BEND5: variants seen among roughly 807,000 people sequenced by gnomAD.
The protein encoded by BEND5 is BEN domain-containing protein 5.
In BEND5, 22 loss-of-function variants were observed where a neutral mutation model predicts 43.9. That is an observed-to-expected ratio of 0.50 (90% CI 0.36 to 0.72). The LOEUF (loss-of-function observed/expected upper bound fraction) is 0.72, where lower values mean the gene tolerates loss of function less well. BEND5 is among the 30% of genes least tolerant of loss of function. BEND5 has a pLI of 0.00. For synonymous variants in BEND5, 228 were observed against 225.9 expected (o/e 1.01, Z -0.08); for missense variants, 428 against 550.6 (o/e 0.78, Z 2.23).
intron 3 of BEND5, among the ~76,000 whole-genome samples, chr1:48,748,289 C>T (rs568564282): frequency 1.4e-4 from 21 of 152,170 alleles, no homozygotes; most frequent in Non-Finnish European, 2.1e-4. Flanking sequence ...GCTGCTGTAG[C>T]GTGCCTCTGT....
chr1:48,750,822 G>A (rs1032319435), intron 3 of BEND5, among the ~76,000 whole-genome samples: 1 of 152,162 alleles, frequency 6.6e-6, no homozygotes, highest in Non-Finnish European at 1.5e-5. Flanking sequence ...AAAGCTTCTT[G>A]TCCTGTATAG....
chr1:48,770,632 GCTCT>G (rs1174756183), intron 1 of BEND5, among the ~76,000 whole-genome samples: 1 of 152,086 alleles, frequency 6.6e-6, no homozygotes, highest in Non-Finnish European at 1.5e-5. Context: ...ATGCCTACTT[GCTCT>G]CCTGACATAT....
intron 4 of BEND5, among the ~76,000 whole-genome samples, chr1:48,740,301 T>C (rs969112224): frequency 1.3e-5 from 2 of 152,126 alleles, no homozygotes; most frequent in Non-Finnish European, 2.9e-5. Context: ...CTGGTGAGAG[T>C]ACTGGCCTGG....
At chr1:48,759,354 T>G in intron 2 of BEND5, 70 bp from the exon 3 acceptor site, 1 of 1,500,060 alleles carries the variant, frequency 6.7e-7, no homozygotes, top group Non-Finnish European at 8.9e-7. Flanking sequence ...GATCAATATT[T>G]CCCCAGACAA....
At chr1:48,750,902 C>T (rs907775981) in intron 3 of BEND5, among the ~76,000 whole-genome samples, 2 of 152,098 alleles carry the variant, frequency 1.3e-5, no homozygotes, top group African/African-American at 4.8e-5. Context: ...AATTACCCCC[C>T]ACACTCAGAG....
intron 1 of BEND5, among the ~76,000 whole-genome samples, chr1:48,761,814 C>G (rs929853968): frequency 2.0e-5 from 3 of 152,156 alleles, no homozygotes; most frequent in African/African-American, 7.2e-5. Flanking sequence ...CTGATCTAAA[C>G]TAAAATGGCA....
At chr1:48,774,785 G>T (rs1644996071) in intron 1 of BEND5, among the ~76,000 whole-genome samples, 1 of 152,196 alleles carries the variant, frequency 6.6e-6, no homozygotes. Context: ...TGCCTGAAGA[G>T]TCAAGCACAG....
At chr1:48,772,668 G>A (rs1034939739) in intron 1 of BEND5, among the ~76,000 whole-genome samples, 25 of 152,258 alleles carry the variant, frequency 1.6e-4, no homozygotes, top group Admixed American at 3.3e-4. Flanking sequence ...TCTAATGAGA[G>A]CAGTCAACTA....
chr1:48,751,652 A>C (rs1166152996), intron 3 of BEND5, among the ~76,000 whole-genome samples: 1 of 152,224 alleles, frequency 6.6e-6, no homozygotes, highest in African/African-American at 2.4e-5. Flanking sequence ...AATCCAAAAA[A>C]AACATAAGCT....
chr1:48,747,831 C>T (rs1345861386), intron 3 of BEND5, among the ~76,000 whole-genome samples: 1 of 152,148 alleles, frequency 6.6e-6, no homozygotes, highest in Non-Finnish European at 1.5e-5. Flanking sequence ...TAGAAATCAC[C>T]TATTTTTTCA....
rs1229181679 is a variant in BEND5, at chr1:48,772,218, A to T, written c.226+4388T>A. Among the ~76,000 whole-genome samples the T allele has an allele frequency of 6.6e-5, 10 of 152,364 alleles. No homozygotes were observed. The East Asian group carries it at 1.7e-3, about 26-fold the overall frequency. ...TAAAAACAAGACATAAAATGCTACA[A>T]TCCATAAGCAAGGCAAAACCAAAGT... On this transcript the variant is annotated intron_variant, in intron 1 of 5. Transcript: ENST00000371833.
intron 5 of BEND5, among the ~76,000 whole-genome samples, chr1:48,734,325 C>A (rs1184398630): frequency 1.3e-5 from 2 of 152,130 alleles, no homozygotes; most frequent in Non-Finnish European, 1.5e-5. Flanking sequence ...TACCCTATGT[C>A]CTGCCACCTT....
At chr1:48,742,857 A>G in intron 3 of BEND5, 86 bp from the exon 4 acceptor site, 1 of 1,335,230 alleles carries the variant, frequency 7.5e-7, no homozygotes, top group Non-Finnish European at 9.9e-7. Context: ...TCAGCACACC[A>G]TGGCACAAAA....
At chr1:48,752,012 ACTT>A (rs1250414326) in intron 3 of BEND5, among the ~76,000 whole-genome samples, 1 of 152,194 alleles carries the variant, frequency 6.6e-6, no homozygotes, top group Non-Finnish European at 1.5e-5. Flanking sequence ...AAACTACTCC[ACTT>A]CTTATTACTA....
At chr1:48,769,159 T>A (rs1644679422) in intron 1 of BEND5, among the ~76,000 whole-genome samples, 1 of 152,132 alleles carries the variant, frequency 6.6e-6, no homozygotes, top group Admixed American at 6.5e-5. Flanking sequence ...GACTTCCAGG[T>A]CTCTTTCTCA....
intron 1 of BEND5, among the ~76,000 whole-genome samples, chr1:48,775,905 T>C (rs1482010184): frequency 6.6e-6 from 1 of 152,156 alleles, no homozygotes; most frequent in Non-Finnish European, 1.5e-5. Context: ...GGGAGCCTTC[T>C]GGGAGATTCA....
chr1:48,757,647 C>G (rs963466655), intron 3 of BEND5, among the ~76,000 whole-genome samples: 3 of 152,206 alleles, frequency 2.0e-5, no homozygotes, highest in Non-Finnish European at 4.4e-5. Context: ...CAAAGATCTA[C>G]TGAGCCACTA....
chr1:48,759,358 C>T, intron 2 of BEND5, 74 bp from the exon 3 acceptor site: 1 of 1,496,488 alleles, frequency 6.7e-7, no homozygotes, highest in East Asian at 2.5e-5. Context: ...AATATTTCCC[C>T]AGACAATCCT....
At chr1:48,740,378 C>G (rs1448323836) in intron 4 of BEND5, among the ~76,000 whole-genome samples, 1 of 152,132 alleles carries the variant, frequency 6.6e-6, no homozygotes, top group Non-Finnish European at 1.5e-5. Context: ...AGAGGAGTCC[C>G]TTCTCTGGAT....
Sources: allele counts gnomAD v4.1 joint callset (sites outside exome capture counted in the v4.1 genomes callset), GRCh38; gene constraint gnomAD v4.1.1; transcripts MANE v1.5; gene names NCBI Gene and HGNC (gene_info 2026-07-23, HGNC 2026-07-21).